Variants in ANKS1B observed in about 807,000 individuals in gnomAD.
ANKS1B encodes ankyrin repeat and sterile alpha motif domain containing 1B.
In ANKS1B, 36 loss-of-function variants were observed where a neutral mutation model predicts 148.3. The observed-to-expected ratio is 0.24, with a 90% CI of 0.19 to 0.32. The LOEUF (loss-of-function observed/expected upper bound fraction) is 0.32. Ranked by LOEUF, ANKS1B falls within the 10% of genes least tolerant of loss-of-function variation. The pLI, the probability that ANKS1B is intolerant of heterozygous loss-of-function variation, is 1.00. For missense variants in ANKS1B, 1,157 were observed against 1,542.6 expected (o/e 0.75, Z 4.19); for synonymous variants, 542 against 560.8 (o/e 0.97, Z 0.47).
At chr12:99,463,595 C>T (rs979453852) in intron 10 of ANKS1B, among the ~76,000 whole-genome samples, 9 of 152,340 alleles carry the variant, frequency 5.9e-5, no homozygotes, top group South Asian at 2.1e-4. Flanking sequence ...CCTAATACTG[C>T]GCTTTTCCGA....
chr12:99,072,127 C>T (rs1042138086), intron 16 of ANKS1B, among the ~76,000 whole-genome samples: 1 of 152,064 alleles, frequency 6.6e-6, no homozygotes, highest in Admixed American at 6.6e-5. Flanking sequence ...CTGTGAGAAA[C>T]CCACTAGCTC....
intron 14 of ANKS1B, among the ~76,000 whole-genome samples, chr12:99,235,386 G>C (rs2087707163): frequency 2.0e-5 from 3 of 151,998 alleles, no homozygotes; most frequent in African/African-American, 7.2e-5. Context: ...AATATCCTCA[G>C]TATTGAGGAA....
At chr12:99,251,343 CATA>C (rs1433134197) in intron 12 of ANKS1B, among the ~76,000 whole-genome samples, 5 of 152,244 alleles carry the variant, frequency 3.3e-5, no homozygotes, top group South Asian at 4.1e-4. Flanking sequence ...ATTATTTTGA[CATA>C]ATAATCATGT....
chr12:99,366,792 CT>C (rs2092794638), intron 12 of ANKS1B, among the ~76,000 whole-genome samples: 1 of 151,980 alleles, frequency 6.6e-6, no homozygotes, highest in South Asian at 2.1e-4. Context: ...GCCTTTCTAA[CT>C]ATGACTCAAA....
intron 17 of ANKS1B, among the ~76,000 whole-genome samples, chr12:98,984,718 A>T (rs542474924): frequency 6.6e-6 from 1 of 152,238 alleles, no homozygotes; most frequent in Non-Finnish European, 1.5e-5. Flanking sequence ...TTATATTTTA[A>T]TGGGTTTTCT....
At chr12:99,962,110 T>C (rs1278634426) in intron 1 of ANKS1B, among the ~76,000 whole-genome samples, 3 of 152,168 alleles carry the variant, frequency 2.0e-5, no homozygotes, top group South Asian at 2.1e-4. Context: ...CCAGGATATG[T>C]GTGCAGAACG....
chr12:99,904,045 A>C (rs2093693548), intron 1 of ANKS1B, among the ~76,000 whole-genome samples: 1 of 152,148 alleles, frequency 6.6e-6, no homozygotes, highest in Admixed American at 6.5e-5. Flanking sequence ...CCTGGGCTCT[A>C]CCCAGGCCCT....
At chr12:99,499,360 T>A (rs777593654) in intron 10 of ANKS1B, among the ~76,000 whole-genome samples, 7 of 152,126 alleles carry the variant, frequency 4.6e-5, no homozygotes, top group Non-Finnish European at 1.0e-4. Flanking sequence ...CAAACACAAT[T>A]GGGGAAAATT....
At chr12:99,502,201 A>G (rs868771741) in intron 10 of ANKS1B, among the ~76,000 whole-genome samples, 5 of 151,990 alleles carry the variant, frequency 3.3e-5, no homozygotes, top group Admixed American at 1.3e-4. Context: ...CACATTTTGC[A>G]TATCTATTTC....
In ANKS1B at chr12:99,135,948, AG is replaced by A. The variant is rs1189765289; in HGVS notation, c.2526+18340del. On this transcript the variant is annotated intron_variant, in intron 15 of 26. Transcript: ENST00000683438. ...CTCAGAGAACAGCCCAGCTTCGGAC[AG>A]GAAGACTAAGGAGATGGGTCCCAGG... Among the ~76,000 whole-genome samples, 13 of 152,316 alleles carry A rather than the reference AG, an allele frequency of 8.5e-5. No individual in the cohort carries two copies. The East Asian group carries it at 2.3e-3, about 27-fold the overall frequency.
At chr12:98,906,428 G>C (rs2099779172) in intron 17 of ANKS1B, among the ~76,000 whole-genome samples, 1 of 152,216 alleles carries the variant, frequency 6.6e-6, no homozygotes, top group African/African-American at 2.4e-5. Flanking sequence ...AGAGCCCCAT[G>C]TTCCTGGGGA....
In ANKS1B at chr12:99,818,588, A is replaced by G. The variant is rs150226420; in HGVS notation, c.216-6277T>C. ...TTTTCTGATATCCAGCATTTGACAA[A>G]TAACAAATACTCTAAAATCCTAAAG... On this transcript the variant is annotated intron_variant, in intron 2 of 26. Coordinates refer to ENST00000683438, the MANE Select transcript of ANKS1B (RefSeq NM_001352186.2). Among the ~76,000 whole-genome samples the G allele has an allele frequency of 1.3e-3, 193 of 151,992 alleles. No homozygotes were observed. The East Asian group carries it at 0.016, about 12-fold the overall frequency.
chr12:99,005,792 G>A (rs887743556), intron 17 of ANKS1B, among the ~76,000 whole-genome samples: 8 of 151,574 alleles, frequency 5.3e-5, no homozygotes, highest in African/African-American at 7.3e-5. Context: ...ACACACACAC[G>A]CACATGCACC....
intron 16 of ANKS1B, among the ~76,000 whole-genome samples, chr12:99,062,109 C>T (rs751610037): frequency 5.9e-5 from 9 of 152,290 alleles, no homozygotes; most frequent in Non-Finnish European, 1.0e-4. Flanking sequence ...GGGAGACACG[C>T]GGCCTTGGGC....
chr12:99,497,470 G>A (rs2096615182), intron 10 of ANKS1B, among the ~76,000 whole-genome samples: 1 of 152,124 alleles, frequency 6.6e-6, no homozygotes, highest in Non-Finnish European at 1.5e-5. Flanking sequence ...CAAGGTGGCA[G>A]GGATGGTTCC....
intron 17 of ANKS1B, among the ~76,000 whole-genome samples, chr12:99,009,471 G>A (rs565749262): frequency 1.8e-4 from 28 of 152,236 alleles, no homozygotes; most frequent in African/African-American, 6.7e-4. Flanking sequence ...CTTCAGTTAC[G>A]GTCCCTGCAG....
chr12:98,767,652 T>C lies in ANKS1B; in HGVS notation c.3579+5390A>G, dbSNP rs539165229. On this transcript the variant is annotated intron_variant, in intron 25 of 26. Transcript: ENST00000683438. Reference sequence around the variant, plus strand: ...AATGCTATTAAAAAGGAAGAACACCTTTTAACATTTAAAACTATTGAATGA... The same window carrying C: ...AATGCTATTAAAAAGGAAGAACACCCTTTAACATTTAAAACTATTGAATGA... Among the ~76,000 whole-genome samples the C allele has an allele frequency of 6.6e-5, 10 of 152,350 alleles. No individual in the cohort carries two copies. The South Asian group carries it at 2.1e-3, about 32-fold the overall frequency.
At position 99,483,005 on chromosome 12, in the gene ANKS1B, T is replaced by C. The variant is rs963571532; in HGVS notation, c.1438+21471A>G. 3.9e-5 allele frequency among the ~76,000 whole-genome samples: 6 copies of C among 151,966 alleles called. No individual in the cohort carries two copies. The South Asian group carries it at 6.2e-4, about 16-fold the overall frequency. On this transcript the variant is annotated intron_variant, in intron 10 of 26. Transcript: ENST00000683438. The stretch of plus-strand genomic sequence containing the variant: ...CCTTTTATTTCTTTATCTTGCTTAA[T>C]TGCTCTGGCTAGGACTTCCAGGAAT...
chr12:99,210,357 T>A (rs1322716455), intron 14 of ANKS1B, among the ~76,000 whole-genome samples: 1 of 152,210 alleles, frequency 6.6e-6, no homozygotes, highest in Non-Finnish European at 1.5e-5. Flanking sequence ...TTAGCCCTCT[T>A]AATTTTTTTC....
Sources: allele counts gnomAD v4.1 joint callset (sites outside exome capture counted in the v4.1 genomes callset), GRCh38; gene constraint gnomAD v4.1.1; transcripts MANE v1.5; gene names NCBI Gene and HGNC (gene_info 2026-07-23, HGNC 2026-07-21).